The following PTBP3 variants were observed in gnomAD, a reference collection of about 807,000 sequenced individuals.
PTBP3 encodes the protein polypyrimidine tract binding protein 3, also known as polypyrimidine tract-binding protein 3.
In PTBP3, 20 loss-of-function variants were observed where a neutral mutation model predicts 58.7. The observed-to-expected ratio is 0.34, with a 90% CI of 0.24 to 0.50. The LOEUF is 0.50. PTBP3 is among the 20% of genes least tolerant of loss of function. The pLI, the probability that PTBP3 is intolerant of heterozygous loss-of-function variation, is 0.98. For synonymous variants in PTBP3, 185 were observed against 219.8 expected, an observed-to-expected ratio of 0.84 and a Z score of 1.40; for missense variants, 509 against 637.2, an observed-to-expected ratio of 0.80 and a Z score of 2.17.
downstream of PTBP3, chr9:112,217,740 T>C (rs777313582): frequency 1.2e-4 from 19 of 152,222 alleles, no homozygotes; most frequent in Non-Finnish European, 2.5e-4. Context: ...ATTTTCCCAG[T>C]ATTTATGGAG....
At chr9:112,279,003 A>T (rs2132221262) in intron 2 of PTBP3, among the ~76,000 whole-genome samples, 1 of 152,314 alleles carries the variant, frequency 6.6e-6, no homozygotes, top group South Asian at 2.1e-4. Context: ...ATTTGCCATA[A>T]TTAAGAATTT....
intron 5 of PTBP3, among the ~76,000 whole-genome samples, chr9:112,261,020 T>A (rs753263954): frequency 3.9e-5 from 6 of 152,214 alleles, no homozygotes; most frequent in Non-Finnish European, 4.4e-5. Context: ...GACATAGGCA[T>A]AAGAACATCT....
chr9:112,293,724 C>A (rs537639051), intron 2 of PTBP3, among the ~76,000 whole-genome samples: 1 of 152,304 alleles, frequency 6.6e-6, no homozygotes, highest in Non-Finnish European at 1.5e-5. Context: ...ATCATTATGG[C>A]CCAAGATGGA....
chr9:112,364,681 G>A, the PTBP3 span, among the ~76,000 whole-genome samples: 2 of 152,062 alleles, frequency 1.3e-5, no homozygotes, highest in South Asian at 4.1e-4. Flanking sequence ...GTGAGAATTA[G>A]GAAAATATGA....
chr9:112,303,727 G>C (rs2132343019), intron 1 of PTBP3, among the ~76,000 whole-genome samples: 1 of 152,298 alleles, frequency 6.6e-6, no homozygotes, highest in East Asian at 1.9e-4. Context: ...AGCCAGGTGT[G>C]GTGGTGTGCA....
intron 2 of PTBP3, among the ~76,000 whole-genome samples, chr9:112,293,819 A>G (rs915168178): frequency 6.6e-5 from 10 of 152,232 alleles, no homozygotes; most frequent in African/African-American, 2.4e-4. Flanking sequence ...TTGAGAAGGT[A>G]GTCGTGTTGA....
intron 3 of PTBP3, among the ~76,000 whole-genome samples, chr9:112,275,492 C>T (rs1827571314): frequency 6.6e-6 from 1 of 152,024 alleles, no homozygotes; most frequent in Non-Finnish European, 1.5e-5. Context: ...TTTAATTTGC[C>T]AAATGAGGTA....
chr9:112,363,978 C>G, the PTBP3 span, among the ~76,000 whole-genome samples: 1 of 152,138 alleles, frequency 6.6e-6, no homozygotes, highest in Non-Finnish European at 1.5e-5. Flanking sequence ...TAAAAATCTT[C>G]TGATCTCTGC....
At chr9:112,258,187 C>T (rs1271449861) in intron 5 of PTBP3, among the ~76,000 whole-genome samples, 1 of 152,180 alleles carries the variant, frequency 6.6e-6, no homozygotes, top group East Asian at 1.9e-4. Flanking sequence ...CTATTGGACA[C>T]TCAAAAACCA....
At chr9:112,293,386 T>C (rs1182007516) in intron 2 of PTBP3, among the ~76,000 whole-genome samples, 1 of 152,190 alleles carries the variant, frequency 6.6e-6, no homozygotes, top group Middle Eastern at 3.2e-3. Flanking sequence ...AATGAAGAAA[T>C]ATTTTATTAA....
At chr9:112,259,519 G>T (rs780802603) in intron 5 of PTBP3, among the ~76,000 whole-genome samples, 9 of 152,204 alleles carry the variant, frequency 5.9e-5, no homozygotes, top group Non-Finnish European at 1.2e-4. Flanking sequence ...TTTTGGACTG[G>T]ATCATTATTT....
intron 7 of PTBP3, among the ~76,000 whole-genome samples, chr9:112,243,445 G>A (rs923259163): frequency 6.6e-6 from 1 of 152,074 alleles, no homozygotes; most frequent in Non-Finnish European, 1.5e-5. Flanking sequence ...AGGAGGCCGA[G>A]GCATGAGAAT....
chr9:112,228,567 T>C, intron 10 of PTBP3, 95 bp from the exon 11 acceptor site: 2 of 760,142 alleles, frequency 2.6e-6, no homozygotes, highest in Non-Finnish European at 2.0e-6. Flanking sequence ...TTTCTTACTC[T>C]CCCTTGGCAA....
intron 2 of PTBP3, among the ~76,000 whole-genome samples, chr9:112,290,937 T>C (rs1828391152): frequency 6.6e-6 from 1 of 151,864 alleles, no homozygotes; most frequent in Non-Finnish European, 1.5e-5. Context: ...TATCCATAAA[T>C]GTGGCCGGGC....
upstream of PTBP3, among the ~76,000 whole-genome samples, chr9:112,335,254 C>A (rs984291830): frequency 6.6e-6 from 1 of 150,520 alleles, no homozygotes; most frequent in Non-Finnish European, 1.5e-5. Flanking sequence ...TCCTTCTGGA[C>A]CTTACTTTTT....
chr9:112,234,285 G>A (rs890142403), intron 8 of PTBP3, among the ~76,000 whole-genome samples: 1 of 152,094 alleles, frequency 6.6e-6, no homozygotes, highest in Non-Finnish European at 1.5e-5. Flanking sequence ...TAGCTAAAGA[G>A]ACAAAATATA....
chr9:112,226,879 A>G (rs1274245741), intron 12 of PTBP3, among the ~76,000 whole-genome samples: 1 of 152,242 alleles, frequency 6.6e-6, no homozygotes, highest in African/African-American at 2.4e-5. Context: ...ACAGGTTGTC[A>G]ATCCCTGAGT....
At chr9:112,281,727 C>G (rs187647257) in intron 2 of PTBP3, among the ~76,000 whole-genome samples, 127 of 152,264 alleles carry the variant, frequency 8.3e-4, no homozygotes, top group African/African-American at 2.9e-3. Context: ...AGCTATATGA[C>G]TATCTGAGTT....
At chr9:112,374,673 T>C in the PTBP3 span, among the ~76,000 whole-genome samples, 1 of 152,230 alleles carries the variant, frequency 6.6e-6, no homozygotes, top group Non-Finnish European at 1.5e-5. Context: ...GCCACACTTC[T>C]TTAGCCATAA....
Sources: allele counts gnomAD v4.1 joint callset (sites outside exome capture counted in the v4.1 genomes callset), GRCh38; gene constraint gnomAD v4.1.1; transcripts MANE v1.5; gene names NCBI Gene and HGNC (gene_info 2026-07-23, HGNC 2026-07-21).